The following DGKI variants were observed in gnomAD, a reference collection of about 807,000 sequenced individuals.
DGKI encodes DAG kinase iota.
In DGKI, 55 loss-of-function variants were observed where a neutral mutation model predicts 147.5. That is an observed-to-expected ratio of 0.37 (90% confidence interval 0.30 to 0.47). DGKI has a LOEUF of 0.47. Ranked by LOEUF, DGKI falls within the 20% of genes least tolerant of loss-of-function variation. The probability of loss-of-function intolerance (pLI) is 1.00; values close to 1 mark genes in which losing one functional copy is unlikely to be tolerated. For synonymous variants in DGKI, 469 were observed against 477.1 expected, an observed-to-expected ratio of 0.98 and a Z score of 0.22; for missense variants, 1,007 against 1,323.8, an observed-to-expected ratio of 0.76 and a Z score of 3.71.
At chr7:137,668,446 T>A (rs1159086311) in intron 3 of DGKI, among the ~76,000 whole-genome samples, 1 of 152,172 alleles carries the variant, frequency 6.6e-6, no homozygotes, top group Non-Finnish European at 1.5e-5. Flanking sequence ...TAACAATACT[T>A]AAATGGCAGG....
intron 6 of DGKI, among the ~76,000 whole-genome samples, chr7:137,638,567 C>CACATATATGTATATACACACATATAT (rs1821469518): frequency 3.0e-5 from 1 of 33,118 alleles, no homozygotes; most frequent in Non-Finnish European, 6.7e-5. Context: ...TATATATACA[C>CACATATATGTATATACACACATATAT]ACATATATGT....
rs183334156 is a variant in DGKI, at chr7:137,741,887, A to G, written c.402-51885T>C. Among the ~76,000 whole-genome samples the G allele has an allele frequency of 1.1e-3, 164 of 152,312 alleles. 1 individual carries two copies. The highest frequency in any genetic ancestry group is 2.0e-3 in the Non-Finnish European group (134 of 68,030). ...AAAACCATAGGGGCTGCTTTCTAGT[A>G]ATGAAGCTCTCAGTGCTTTTACATC... is the stretch of plus-strand genomic sequence containing the variant. On this transcript the variant is annotated intron_variant, in intron 1 of 32. Transcript: ENST00000614521.
intron 12 of DGKI, among the ~76,000 whole-genome samples, chr7:137,591,436 T>G (rs1819612332): frequency 6.6e-6 from 1 of 152,168 alleles, no homozygotes; most frequent in Non-Finnish European, 1.5e-5. Flanking sequence ...CTAATAGTTC[T>G]CTGGCTGAGG....
At chr7:137,467,811 T>C (rs1001398617) in intron 24 of DGKI, among the ~76,000 whole-genome samples, 3 of 151,780 alleles carry the variant, frequency 2.0e-5, no homozygotes, top group East Asian at 1.9e-4. Flanking sequence ...CAAGACTTCA[T>C]CTCTACAAAA....
chr7:137,657,164 G>T (rs893496475), intron 3 of DGKI, among the ~76,000 whole-genome samples: 1 of 152,194 alleles, frequency 6.6e-6, no homozygotes, highest in Admixed American at 6.5e-5. Context: ...AGCAGGAAAC[G>T]CTGCTAATAG....
At chr7:137,673,093 T>G (rs1305754060) in intron 3 of DGKI, among the ~76,000 whole-genome samples, 1 of 139,928 alleles carries the variant, frequency 7.1e-6, no homozygotes, top group East Asian at 1.9e-4. Context: ...GTGTCTTCTC[T>G]TATAACGGCA....
At chr7:137,786,232 T>C (rs1035349687) in intron 1 of DGKI, among the ~76,000 whole-genome samples, 2 of 152,102 alleles carry the variant, frequency 1.3e-5, no homozygotes, top group Non-Finnish European at 2.9e-5. Flanking sequence ...CCTAGAGTTA[T>C]CCAGAAAGCT....
intron 28 of DGKI, among the ~76,000 whole-genome samples, chr7:137,417,969 C>T (rs533652670): frequency 6.6e-6 from 1 of 152,292 alleles, no homozygotes; most frequent in Admixed American, 6.5e-5. Context: ...AAACATGATC[C>T]AGTCTAAGAT....
intron 28 of DGKI, among the ~76,000 whole-genome samples, chr7:137,417,031 A>G (rs922393979): frequency 2.6e-5 from 4 of 152,230 alleles, no homozygotes; most frequent in Admixed American, 6.5e-5. Context: ...CCACATAAAA[A>G]GAGCCTGAAT....
intron 1 of DGKI, among the ~76,000 whole-genome samples, chr7:137,771,414 G>C (rs1246219154): frequency 6.6e-6 from 1 of 152,100 alleles, no homozygotes; most frequent in Non-Finnish European, 1.5e-5. Flanking sequence ...CTCGAACAAA[G>C]CATTTACTTA....
At chr7:137,533,271 G>C (rs1296570872) in intron 20 of DGKI, among the ~76,000 whole-genome samples, 1 of 152,026 alleles carries the variant, frequency 6.6e-6, no homozygotes, top group Non-Finnish European at 1.5e-5. Flanking sequence ...CCTAGCCACA[G>C]AGTGAGACCC....
chr7:137,618,151 A>ATATATATATATATATATATATATT, intron 8 of DGKI, among the ~76,000 whole-genome samples: 8 of 10,458 alleles, frequency 7.6e-4, no homozygotes, highest in Admixed American at 3.7e-3. Context: ...ATATATATAT[A>ATATATATATATATATATATATATT]TTTTTTTTTT....
At chr7:137,472,096 C>T (rs867532262) in intron 23 of DGKI, among the ~76,000 whole-genome samples, 33 of 123,124 alleles carry the variant, frequency 2.7e-4, no homozygotes, top group Admixed American at 1.0e-3. Flanking sequence ...AATATATACA[C>T]ATATATGTGT....
rs1167434513 is a variant in DGKI, at chr7:137,599,803, G to A, written c.1250+20C>T. 6.2e-7 allele frequency: 1 copy of A among 1,610,522 alleles called. No individual in the cohort carries two copies. The highest frequency in any genetic ancestry group is 2.2e-5 in the East Asian group (1 of 44,822). On this transcript the variant is annotated intron_variant, in intron 11 of 32. Transcript: ENST00000614521. ...TTGCCTAAAATACATATGGACCATG[G>A]AGAATATTTCCAGACTTACGCATCT... is the stretch of plus-strand genomic sequence containing the variant.
chr7:137,557,290 TG>T (rs2128968917), intron 19 of DGKI, among the ~76,000 whole-genome samples: 1 of 151,760 alleles, frequency 6.6e-6, no homozygotes, highest in Admixed American at 6.6e-5. Context: ...TAAGGATAGT[TG>T]GAAAGAACAG....
At chr7:137,500,952 C>A (rs1487459584) in intron 21 of DGKI, among the ~76,000 whole-genome samples, 1 of 152,062 alleles carries the variant, frequency 6.6e-6, no homozygotes, top group African/African-American at 2.4e-5. Flanking sequence ...TGCTATAGAA[C>A]CATAAAGGTT....
At chr7:137,503,896 C>A (rs1816273899) in intron 21 of DGKI, among the ~76,000 whole-genome samples, 1 of 152,114 alleles carries the variant, frequency 6.6e-6, no homozygotes, top group Non-Finnish European at 1.5e-5. Flanking sequence ...ACATGTACTG[C>A]CCTTTCATAA....
At chr7:137,425,013 G>C (rs989050560) in intron 28 of DGKI, among the ~76,000 whole-genome samples, 1 of 140,362 alleles carries the variant, frequency 7.1e-6, no homozygotes, top group African/African-American at 2.7e-5. Flanking sequence ...AAATGTCCCT[G>C]TCTGACAGCT....
chr7:137,620,052 CA>C, intron 7 of DGKI, 112 bp from the exon 8 acceptor site: 1 of 742,896 alleles, frequency 1.3e-6, no homozygotes, highest in Non-Finnish European at 2.3e-6. Context: ...CACACACACA[CA>C]CTCATTACAT....
Sources: gnomAD v4.1 joint callset for allele counts (sites outside exome capture counted in the v4.1 genomes callset) on GRCh38, gnomAD v4.1.1 for gene constraint, MANE v1.5 for transcripts, NCBI Gene and HGNC (gene_info 2026-07-23, HGNC 2026-07-21) for gene names.